The following TMEM132B variants were observed in gnomAD, a reference collection of about 807,000 sequenced individuals.
The protein encoded by TMEM132B is transmembrane protein 132B.
Under a neutral mutation model 90.8 loss-of-function variants are expected in TMEM132B, and 18 were observed. That is an observed-to-expected ratio of 0.20 (90% CI 0.14 to 0.29). The LOEUF is 0.29. Ranked by LOEUF, TMEM132B falls within the 10% of genes least tolerant of loss-of-function variation. TMEM132B has a pLI of 1.00. For missense variants in TMEM132B, 1,096 were observed against 1,326.8 expected, an observed-to-expected ratio of 0.83 and a Z score of 2.70; for synonymous variants, 504 against 523.3, an observed-to-expected ratio of 0.96 and a Z score of 0.50.
intron 1 of TMEM132B, among the ~76,000 whole-genome samples, chr12:125,328,406 C>T (rs1876657582): frequency 6.6e-6 from 1 of 152,222 alleles, no homozygotes; most frequent in South Asian, 2.1e-4. Flanking sequence ...TGTCCTTCGG[C>T]TACTGTGTTA....
At chr12:125,583,606 T>C (rs2136868857) in intron 4 of TMEM132B, among the ~76,000 whole-genome samples, 1 of 152,146 alleles carries the variant, frequency 6.6e-6, no homozygotes, top group Middle Eastern at 3.4e-3. Context: ...AGAGGGAGAA[T>C]GACCCTGCAC....
At chr12:125,423,872 A>G (rs1193354529) in intron 3 of TMEM132B, among the ~76,000 whole-genome samples, 5 of 152,234 alleles carry the variant, frequency 3.3e-5, no homozygotes, top group Non-Finnish European at 7.3e-5. Context: ...ATAAATATAT[A>G]GTAACATATT....
At chr12:125,523,444 C>T (rs182173749) in intron 4 of TMEM132B, among the ~76,000 whole-genome samples, 412 of 152,090 alleles carry the variant, frequency 2.7e-3, no homozygotes, top group Admixed American at 3.6e-3. Context: ...CTTTTAAGGA[C>T]CCTTGTGATG....
intron 4 of TMEM132B, among the ~76,000 whole-genome samples, chr12:125,559,067 A>C (rs561339384): frequency 6.6e-6 from 1 of 152,352 alleles, no homozygotes; most frequent in South Asian, 2.1e-4. Context: ...TGAGAAAATC[A>C]GTTCCTTATG....
rs1886980877 is a variant in TMEM132B, at chr12:125,653,594, C to T, written c.2136C>T (p.Phe712=). The change falls in exon 9 of 9, where the codon TTC becomes TTT. Residue 712 remains phenylalanine, a synonymous_variant. Transcript: ENST00000682704. ...QEAIVSSWIL[F]SDGSVTPLDI... is the part of the protein sequence containing the mutation. ...CAATAGTAAGTTCTTGGATTTTGTTCAGTGATGGTTCGGTGACACCTTTAG... is the reference window on the plus strand; with the variant it reads ...CAATAGTAAGTTCTTGGATTTTGTTTAGTGATGGTTCGGTGACACCTTTAG... The T allele has an allele frequency of 6.2e-7, 1 of 1,609,220 alleles. No homozygotes were observed. The highest frequency in any genetic ancestry group is 2.2e-5 in the East Asian group (1 of 44,742).
At chr12:125,585,688 T>C (rs1252128419) in intron 5 of TMEM132B, 1 of 152,238 alleles carries the variant, frequency 6.6e-6, no homozygotes, top group Non-Finnish European at 1.5e-5. Flanking sequence ...GTTATTGCCA[T>C]ATACCTGGTT....
intron 4 of TMEM132B, among the ~76,000 whole-genome samples, chr12:125,544,271 A>G (rs1884031414): frequency 1.3e-5 from 2 of 152,222 alleles, no homozygotes; most frequent in African/African-American, 2.4e-5. Context: ...GATAGGTGCA[A>G]CAAACCACCA....
intron 3 of TMEM132B, among the ~76,000 whole-genome samples, chr12:125,475,941 AGT>A (rs1881864809): frequency 6.6e-6 from 1 of 152,144 alleles, no homozygotes; most frequent in South Asian, 2.1e-4. Context: ...TGAGCATAAG[AGT>A]GTGAAATTTA....
At chr12:125,323,581 C>G (rs1410167444) in intron 1 of TMEM132B, among the ~76,000 whole-genome samples, 8 of 152,030 alleles carry the variant, frequency 5.3e-5, no homozygotes, top group African/African-American at 1.9e-4. Context: ...TGCAGTGGCA[C>G]AATCTCAGCT....
intron 2 of TMEM132B, among the ~76,000 whole-genome samples, chr12:125,403,806 G>C (rs1249042951): frequency 6.6e-6 from 1 of 152,174 alleles, no homozygotes; most frequent in Non-Finnish European, 1.5e-5. Flanking sequence ...GTGATTAGGA[G>C]GGGGTTAACT....
chr12:125,598,113 A>G (rs900695015), intron 5 of TMEM132B, among the ~76,000 whole-genome samples: 2 of 152,156 alleles, frequency 1.3e-5, no homozygotes, highest in African/African-American at 4.8e-5. Flanking sequence ...TTTGATCAGA[A>G]CCCTAGAAGG....
At chr12:125,629,576 A>G (rs185788791) in intron 5 of TMEM132B, among the ~76,000 whole-genome samples, 3 of 152,186 alleles carry the variant, frequency 2.0e-5, no homozygotes, top group Non-Finnish European at 4.4e-5. Flanking sequence ...AGATCATATA[A>G]TCTGCAACCA....
At chr12:125,231,455 C>G (rs905987620) in intron 1 of TMEM132B, among the ~76,000 whole-genome samples, 1 of 152,132 alleles carries the variant, frequency 6.6e-6, no homozygotes, top group Non-Finnish European at 1.5e-5. Flanking sequence ...ACATTGAGCT[C>G]TAAGAACTGG....
Position 125,459,701 on chromosome 12 carries a change from A to G in TMEM132B, c.1106+44024A>G, listed in dbSNP as rs1325995765. ...GGATTGTTTGTAACACAAAGGATAA[A>G]TGCTTGAGAGGATGGATACCCCATG... On this transcript the variant is annotated intron_variant, in intron 3 of 8. Coordinates refer to ENST00000682704, the MANE Select transcript of TMEM132B (RefSeq NM_001366854.1). The surrounding 1 kb of genome is among the most constrained non-coding windows in gnomAD (Gnocchi z 4.1). 6.6e-6 allele frequency among the ~76,000 whole-genome samples: 1 copy of G among 152,192 alleles called. No homozygotes were observed. Among genetic ancestry groups the G allele is most frequent in the African/African-American group, 2.4e-5 (1 of 41,450 alleles).
intron 3 of TMEM132B, among the ~76,000 whole-genome samples, chr12:125,506,163 G>A (rs1313002929): frequency 1.3e-5 from 2 of 152,188 alleles, no homozygotes; most frequent in Non-Finnish European, 2.9e-5. Flanking sequence ...GTAAACTTCT[G>A]AACAACAGAA....
chr12:125,530,981 C>A (rs1464721367), intron 4 of TMEM132B, among the ~76,000 whole-genome samples: 1 of 152,144 alleles, frequency 6.6e-6, no homozygotes, highest in Non-Finnish European at 1.5e-5. Flanking sequence ...TCCGGGGCAG[C>A]CCAGTCACTG....
In TMEM132B at chr12:125,589,354, G is replaced by C. The variant is rs549745360; in HGVS notation, c.1437+5360G>C. On this transcript the variant is annotated intron_variant, in intron 5 of 8. Coordinates refer to ENST00000682704, the MANE Select transcript of TMEM132B (RefSeq NM_001366854.1). ...AAAATTAGCCGGGCGTAGTGGCGGG[G>C]GCCTGTAGTCCCAGCTACTCGGGAG... Among the ~76,000 whole-genome samples, 1,417 of 151,380 alleles carry C rather than the reference G, an allele frequency of 9.4e-3. 25 individuals are homozygous for C. Among genetic ancestry groups the C allele is most frequent in the South Asian group, 0.078 (375 of 4,790 alleles).
chr12:125,202,330 A>T (rs1487097841), intron 1 of TMEM132B, among the ~76,000 whole-genome samples: 1 of 152,274 alleles, frequency 6.6e-6, no homozygotes, highest in Non-Finnish European at 1.5e-5. Context: ...GTTATCTCAC[A>T]GTTCCTGTGG....
At chr12:125,617,970 C>T (rs1311396604) in intron 5 of TMEM132B, among the ~76,000 whole-genome samples, 2 of 149,982 alleles carry the variant, frequency 1.3e-5, no homozygotes, top group African/African-American at 2.5e-5. Context: ...AAAAAAAACT[C>T]CATTATTTTT....
Sources: allele counts gnomAD v4.1 joint callset (sites outside exome capture counted in the v4.1 genomes callset), GRCh38; gene constraint gnomAD v4.1.1; non-coding constraint Gnocchi (gnomAD v3.1); transcripts MANE v1.5; gene names NCBI Gene and HGNC (gene_info 2026-07-23, HGNC 2026-07-21).